AGMO: variants seen among roughly 807,000 people sequenced by gnomAD.
The protein encoded by AGMO is glyceryl-ether monooxygenase.
AGMO carries 75 observed loss-of-function variants against 60.2 expected under a neutral mutation model. That is an observed-to-expected ratio of 1.25 (90% CI 1.03 to 1.51). The LOEUF (loss-of-function observed/expected upper bound fraction) is 1.51, where lower values mean the gene tolerates loss of function less well. AGMO is among the 40% of genes most tolerant of loss of function. The pLI is 0.00. For synonymous variants in AGMO, 261 were observed against 177.1 expected, an observed-to-expected ratio of 1.47 and a Z score of -3.76; for missense variants, 763 against 525.5, an observed-to-expected ratio of 1.45 and a Z score of -4.42.
At chr7:15,539,668 T>C (rs193079025) in intron 3 of AGMO, among the ~76,000 whole-genome samples, 50 of 152,338 alleles carry the variant, frequency 3.3e-4, no homozygotes, top group African/African-American at 1.2e-3. Context: ...ATAACTGGAT[T>C]GCTGTGTTAA....
intron 3 of AGMO, among the ~76,000 whole-genome samples, chr7:15,448,233 G>A (rs1781755923): frequency 6.6e-6 from 1 of 152,186 alleles, no homozygotes; most frequent in Non-Finnish European, 1.5e-5. Flanking sequence ...CATTTTGGAG[G>A]TGGTGCCCTT....
chr7:15,520,729 T>C (rs1398897145), intron 3 of AGMO, among the ~76,000 whole-genome samples: 1 of 152,166 alleles, frequency 6.6e-6, no homozygotes, highest in Non-Finnish European at 1.5e-5. Flanking sequence ...TAGCACTAAA[T>C]GCCCATAGGA....
intron 2 of AGMO, among the ~76,000 whole-genome samples, chr7:15,550,021 A>G (rs1784902224): frequency 1.3e-5 from 2 of 152,100 alleles, no homozygotes; most frequent in South Asian, 4.1e-4. Context: ...CTCACTCAAA[A>G]CCGCTCAACT....
At chr7:15,145,058 G>C in the AGMO span, among the ~76,000 whole-genome samples, 1 of 152,150 alleles carries the variant, frequency 6.6e-6, no homozygotes, top group African/African-American at 2.4e-5. Context: ...TCGATTTCCT[G>C]ACCTTGTGAT....
At chr7:15,364,739 A>G (rs1387199819) in intron 12 of AGMO, among the ~76,000 whole-genome samples, 5 of 152,078 alleles carry the variant, frequency 3.3e-5, no homozygotes, top group Non-Finnish European at 7.4e-5. Context: ...TCAATATTAA[A>G]TAATGAAAGT....
rs973546351 is a variant in AGMO at position 15,232,123 on chromosome 7, C to T, written c.1264-30764G>A. On this transcript the variant is annotated intron_variant, in intron 12 of 12. Transcript: ENST00000342526. ...TCCCACCTGCTGAAGATTTTCTTCT[C>T]GTTTCCTCAACTATTAAAGAGATCT... Among the ~76,000 whole-genome samples, 16 of 152,158 alleles carry T rather than the reference C, an allele frequency of 1.1e-4. 1 individual carries two copies. The highest frequency in any genetic ancestry group is 7.2e-4 in the Admixed American group (11 of 15,274).
At chr7:15,439,195 A>G (rs563293369) in intron 3 of AGMO, among the ~76,000 whole-genome samples, 4 of 152,272 alleles carry the variant, frequency 2.6e-5, no homozygotes, top group South Asian at 2.1e-4. Flanking sequence ...TCAAGAGATC[A>G]AGACCATCCC....
chr7:15,438,702 A>C (rs967918652), intron 3 of AGMO, among the ~76,000 whole-genome samples: 5 of 152,170 alleles, frequency 3.3e-5, no homozygotes, highest in Admixed American at 6.5e-5. Context: ...TAGGGTACGC[A>C]AAGACACCAG....
chr7:15,192,516 T>A, the AGMO span, among the ~76,000 whole-genome samples: 41 of 152,238 alleles, frequency 2.7e-4, no homozygotes, highest in African/African-American at 9.6e-4. Context: ...GCCACCTCCA[T>A]CACTCAGTAA....
chr7:15,556,219 G>GTTTTTTTTTTTTTTTTTTTTTTTT (rs71004394), intron 2 of AGMO, among the ~76,000 whole-genome samples: 3 of 91,506 alleles, frequency 3.3e-5, no homozygotes, highest in Non-Finnish European at 6.7e-5. Context: ...CTCCTTTTTA[G>GTTTTTTTTTTTTTTTTTTTTTTTT]TTTTTTTTTT....
At chr7:15,370,171 T>G (rs576149187) in intron 10 of AGMO, among the ~76,000 whole-genome samples, 15 of 152,206 alleles carry the variant, frequency 9.9e-5, no homozygotes, top group Non-Finnish European at 2.2e-4. Flanking sequence ...TTTCTGCTCC[T>G]GCACTAATTC....
chr7:15,398,612 T>C (rs1283340006), intron 5 of AGMO, among the ~76,000 whole-genome samples: 2 of 152,200 alleles, frequency 1.3e-5, no homozygotes, highest in Non-Finnish European at 2.9e-5. Context: ...ATTCAGGCAT[T>C]TGGCAATTCG....
At chr7:15,218,239 T>A (rs1781804407) in intron 12 of AGMO, among the ~76,000 whole-genome samples, 1 of 152,010 alleles carries the variant, frequency 6.6e-6, no homozygotes, top group South Asian at 2.1e-4. Context: ...AGCAGAAGGC[T>A]GCTATATTAA....
chr7:15,405,009 A>G (rs1284284673), intron 5 of AGMO, among the ~76,000 whole-genome samples: 2 of 151,890 alleles, frequency 1.3e-5, no homozygotes, highest in Non-Finnish European at 2.9e-5. Context: ...CAAACACTAG[A>G]TTAGAATCTA....
intron 12 of AGMO, among the ~76,000 whole-genome samples, chr7:15,207,286 A>G (rs567007746): frequency 6.6e-6 from 1 of 152,336 alleles, no homozygotes; most frequent in East Asian, 1.9e-4. Context: ...TAAAGTGAAA[A>G]TAGATGCTAC....
the AGMO span, among the ~76,000 whole-genome samples, chr7:15,182,075 A>G: frequency 6.6e-6 from 1 of 152,202 alleles, no homozygotes; most frequent in Admixed American, 6.5e-5. Context: ...TTAAAAAATT[A>G]TGCTAAGTGA....
At chr7:15,234,779 T>A (rs2128500537) in intron 12 of AGMO, among the ~76,000 whole-genome samples, 1 of 152,292 alleles carries the variant, frequency 6.6e-6, no homozygotes, top group South Asian at 2.1e-4. Flanking sequence ...GAAATTTGAA[T>A]TTTACATCAT....
At chr7:15,487,955 A>G (rs953451110) in intron 3 of AGMO, among the ~76,000 whole-genome samples, 1 of 152,208 alleles carries the variant, frequency 6.6e-6, no homozygotes, top group Non-Finnish European at 1.5e-5. Context: ...ATTTCAAAAA[A>G]AAATCTATAA....
chr7:15,299,877 AC>A (rs1563075556), intron 12 of AGMO, among the ~76,000 whole-genome samples: 1,608 of 139,350 alleles, frequency 0.012, 68 homozygotes, highest in African/African-American at 0.02. Flanking sequence ...ACACACACAC[AC>A]ACACACACAG....
Sources: allele counts gnomAD v4.1 joint callset (sites outside exome capture counted in the v4.1 genomes callset), GRCh38; gene constraint gnomAD v4.1.1; transcripts MANE v1.5; gene names NCBI Gene and HGNC (gene_info 2026-07-23, HGNC 2026-07-21).